LARS1: variants seen among roughly 807,000 people sequenced by gnomAD.
The protein encoded by LARS1 is leucyl-tRNA synthetase 1, also known as leucine--tRNA ligase, cytoplasmic.
LARS1 carries 100 observed loss-of-function variants against 162.8 expected under a neutral mutation model. The ratio of observed to expected loss-of-function variants is 0.61; its 90% CI spans 0.52 to 0.73. The LOEUF is 0.73. LARS1 is among the 30% of genes least tolerant of loss of function. The pLI is 0.00. For missense variants in LARS1, 1,258 were observed against 1,408.9 expected (o/e 0.89, Z 1.71); for synonymous variants, 457 against 462.8 (o/e 0.99, Z 0.16).
intron 8 of LARS1, among the ~76,000 whole-genome samples, chr5:146,158,419 T>C (rs1461629067): frequency 6.6e-6 from 1 of 152,208 alleles, no homozygotes; most frequent in African/African-American, 2.4e-5. Context: ...AAGGCTGATT[T>C]TGAAAATATG....
Position 146,129,038 on chromosome 5 carries a change from CA to C in LARS1, c.2708del (p.Met903ArgfsTer3). The C allele has an allele frequency of 6.2e-7, 1 of 1,611,620 alleles. No individual in the cohort carries two copies. The highest frequency in any genetic ancestry group is 8.5e-7 in the Non-Finnish European group (1 of 1,178,360). ...EVLIHSSQYL[M>X]EVTHDLRLRL... ...GTAGTCTAAGGTCATGTGTTACTTC[CA>C]TAAGATACTGTGAGGAGTGTATTAA... On this transcript the variant is annotated frameshift_variant, in exon 26 of 32. Coordinates refer to ENST00000394434, the MANE Select transcript of LARS1 (RefSeq NM_020117.11). LOFTEE classifies it high-confidence loss of function.
chr5:146,149,836 C>T (rs1246119349), intron 14 of LARS1, 137 bp from the exon 15 acceptor site: 87 of 662,010 alleles, frequency 1.3e-4, no homozygotes, highest in Middle Eastern at 7.8e-4. Context: ...ATATTTACAA[C>T]GATAATTTTT....
At chr5:146,162,739 T>G (rs558618283) in intron 6 of LARS1, among the ~76,000 whole-genome samples, 1 of 152,270 alleles carries the variant, frequency 6.6e-6, no homozygotes, top group Non-Finnish European at 1.5e-5. Context: ...ATAGAAAATC[T>G]GTTGTTTAGC....
chr5:146,168,117 C>T lies in LARS1; in HGVS notation c.432+11G>A. 6.3e-7 allele frequency: 1 copy of T among 1,586,398 alleles called. No homozygotes were observed. The highest frequency in any genetic ancestry group is 8.6e-7 in the Non-Finnish European group (1 of 1,162,396). On this transcript the variant is annotated intron_variant, in intron 5 of 31. Transcript: ENST00000394434. ...AACTTCAACCAACATAAATATCAAC[C>T]ACTATCAAACCTTTTTTCCTTTAGC...
intron 26 of LARS1, 63 bp from the exon 27 acceptor site, chr5:146,128,845 C>T (rs1298348759): frequency 2.5e-5 from 37 of 1,475,596 alleles, no homozygotes; most frequent in Non-Finnish European, 3.2e-5. Flanking sequence ...ATGAGAAGAA[C>T]CCTCCCCCAA....
Position 146,143,461 on chromosome 5 carries a change from A to G in LARS1, c.1828T>C (p.Leu610=). Residue 610 remains leucine (L), a synonymous_variant, in exon 19 of 32, where the codon TTG becomes CTG. Coordinates refer to ENST00000394434, the MANE Select transcript of LARS1 (RefSeq NM_020117.11). ...YMAFYTVAHL[L]QGGNLHGQAE... is the part of the protein sequence containing the mutation. ...TGTCCATGCAAGTTACCCCCCTGCAATAGGTGTGCAACTGTGTAAAATGCC... is the reference window on the plus strand; with the variant it reads ...TGTCCATGCAAGTTACCCCCCTGCAGTAGGTGTGCAACTGTGTAAAATGCC... 6.2e-7 allele frequency: 1 copy of G among 1,613,974 alleles called. No individual in the cohort carries two copies. The highest frequency in any genetic ancestry group is 8.5e-7 in the Non-Finnish European group (1 of 1,179,868).
chr5:146,179,182 AGATGG>A (rs1166388616), intron 1 of LARS1, among the ~76,000 whole-genome samples: 1 of 152,146 alleles, frequency 6.6e-6, no homozygotes, highest in Non-Finnish European at 1.5e-5. Context: ...CAGTGAGCCA[AGATGG>A]AGCCACTGCA....
At chr5:146,129,206 G>T in intron 25 of LARS1, 88 bp from the exon 26 acceptor site, 1 of 1,143,360 alleles carries the variant, frequency 8.7e-7, no homozygotes, top group Non-Finnish European at 1.2e-6. Flanking sequence ...TCATACCAAG[G>T]ATACCATCTG....
chr5:146,142,849 T>A (rs1326459242), intron 20 of LARS1, 23 bp downstream of exon 20: 2 of 1,573,826 alleles, frequency 1.3e-6, no homozygotes. Context: ...ATAAATCTAG[T>A]CCACACCTAT....
chr5:146,177,837 T>C (rs532378052), intron 1 of LARS1, among the ~76,000 whole-genome samples, 172 bp from the exon 2 acceptor site: 21 of 152,130 alleles, frequency 1.4e-4, no homozygotes, highest in African/African-American at 4.6e-4. Flanking sequence ...CGGTGGCTCA[T>C]GCGTGTAATC....
chr5:146,172,887 A>T (rs941171063), intron 2 of LARS1, 113 bp from the exon 3 acceptor site: 2 of 444,634 alleles, frequency 4.5e-6, no homozygotes, highest in African/African-American at 2.0e-5. Flanking sequence ...AAGGTTATTT[A>T]AAAAATATTT....
chr5:146,159,379 A>C, intron 8 of LARS1, 28 bp downstream of exon 8: 5 of 1,553,468 alleles, frequency 3.2e-6, no homozygotes, highest in Non-Finnish European at 4.4e-6. Flanking sequence ...GATTATTATA[A>C]TAGCTACTCT....
chr5:146,149,902 T>G (rs1329167037), intron 14 of LARS1, among the ~76,000 whole-genome samples: 1 of 152,200 alleles, frequency 6.6e-6, no homozygotes, highest in African/African-American at 2.4e-5. Flanking sequence ...GTTCTGTCAG[T>G]GATACCCACA....
intron 31 of LARS1, among the ~76,000 whole-genome samples, chr5:146,117,420 G>A (rs1388801621): frequency 1.3e-5 from 2 of 152,136 alleles, no homozygotes; most frequent in East Asian, 3.9e-4. Context: ...GACTAGCCTG[G>A]CCAAGTTGGC....
At chr5:146,116,249 C>T (rs913885879) in intron 31 of LARS1, among the ~76,000 whole-genome samples, 1 of 152,210 alleles carries the variant, frequency 6.6e-6, no homozygotes, top group Non-Finnish European at 1.5e-5. Flanking sequence ...TGCAATTCAA[C>T]GTACACATCA....
intron 1 of LARS1, 112 bp from the exon 2 acceptor site, chr5:146,177,777 T>G: frequency 8.9e-6 from 4 of 451,530 alleles, no homozygotes; most frequent in East Asian, 4.5e-5. Context: ...TTTTCCATGG[T>G]TATCTTGAAA....
intron 8 of LARS1, among the ~76,000 whole-genome samples, chr5:146,158,824 C>A (rs543911315): frequency 6.6e-6 from 1 of 152,140 alleles, no homozygotes; most frequent in Non-Finnish European, 1.5e-5. Context: ...AGGCCGGGCA[C>A]GGTGGCTCAC....
chr5:146,135,183 TTTTTTG>T (rs1752451768), intron 22 of LARS1, among the ~76,000 whole-genome samples: 1 of 151,346 alleles, frequency 6.6e-6, no homozygotes, highest in Non-Finnish European at 1.5e-5. Context: ...TTTTTTTTTT[TTTTTTG>T]TATTTTTAGT....
intron 15 of LARS1, among the ~76,000 whole-genome samples, chr5:146,146,281 G>A (rs539847095): frequency 1.3e-5 from 2 of 151,148 alleles, no homozygotes; most frequent in East Asian, 2.0e-4. Flanking sequence ...CAGAGGCTGC[G>A]GTGAGCTGAG....
Sources: allele counts gnomAD v4.1 joint callset (sites outside exome capture counted in the v4.1 genomes callset), GRCh38; gene constraint gnomAD v4.1.1; transcripts MANE v1.5; gene names NCBI Gene and HGNC (gene_info 2026-07-23, HGNC 2026-07-21).